ENAH: variants seen among roughly 807,000 people sequenced by gnomAD.
ENAH encodes ENAH actin regulator.
In ENAH, 23 loss-of-function variants were observed where a neutral mutation model predicts 78.7. The ratio of observed to expected loss-of-function variants is 0.29; its 90% CI spans 0.21 to 0.41. The LOEUF (loss-of-function observed/expected upper bound fraction) is 0.41. ENAH is among the 10% of genes least tolerant of loss of function. The pLI is 1.00. For synonymous variants in ENAH, 226 were observed against 241.0 expected (o/e 0.94, Z 0.58); for missense variants, 544 against 691.0 (o/e 0.79, Z 2.39).
intron 2 of ENAH, among the ~76,000 whole-genome samples, chr1:225,555,691 A>G (rs2096663164): frequency 6.6e-6 from 1 of 152,142 alleles, no homozygotes; most frequent in Non-Finnish European, 1.5e-5. Flanking sequence ...ACAACCTAAG[A>G]GTGTATCTCT....
chr1:225,556,331 T>C (rs1306163996), intron 2 of ENAH, among the ~76,000 whole-genome samples: 1 of 152,224 alleles, frequency 6.6e-6, no homozygotes, highest in Non-Finnish European at 1.5e-5. Flanking sequence ...CACAAGAGTA[T>C]ACAAGAGCTT....
intron 4 of ENAH, among the ~76,000 whole-genome samples, chr1:225,525,536 C>T (rs926871809): frequency 6.6e-5 from 10 of 152,180 alleles, no homozygotes; most frequent in African/African-American, 1.7e-4. Flanking sequence ...AACTACCCGT[C>T]GGGAGCCTTC....
In ENAH at chr1:225,551,322, C is replaced by G. The variant is rs183200806; in HGVS notation, c.349+3584G>C. Among the ~76,000 whole-genome samples the G allele has an allele frequency of 5.9e-5, 9 of 152,058 alleles. No homozygotes were observed. In the East Asian group the frequency reaches 1.3e-3, roughly 23 times the overall value. ...TAAAGGAAAACATTTCTGCCACCCA[C>G]CATTTTCATTAAAAAAAGGAAATAT... is the stretch of plus-strand genomic sequence containing the variant. On this transcript the variant is annotated intron_variant, in intron 3 of 13. Transcript: ENST00000366843.
Position 225,653,100 on chromosome 1 carries a change from T to G in ENAH, c.-410A>C, listed in dbSNP as rs979157729. 1 of 152,416 alleles carries G rather than the reference T, an allele frequency of 6.6e-6. No individual in the cohort carries two copies. The highest frequency in any genetic ancestry group is 2.4e-5 in the African/African-American group (1 of 41,238). The allele number at this position is 152,416 out of a possible 1,614,324, so 9.4% of individuals were successfully genotyped here. ...GCCGAGGCCGTGTGCAACCGGCAGC[T>G]GCTGCAGCCGCGGGAGGAGAGTCGG... On this transcript the variant is annotated 5_prime_UTR_variant, in exon 1 of 14. Coordinates refer to ENST00000366843, the MANE Select transcript of ENAH (RefSeq NM_018212.6). This position sits in a 1 kb window ranked among gnomAD's most constrained non-coding sequence, Gnocchi z 4.3.
At position 225,496,801 on chromosome 1, in the gene ENAH, C is replaced by T. The variant is rs895554661; in HGVS notation, c.*974G>A. 6.6e-6 allele frequency: 1 copy of T among 152,628 alleles called. No individual in the cohort carries two copies. The highest frequency in any genetic ancestry group is 1.5e-5 in the Non-Finnish European group (1 of 68,034). The allele number at this position is 152,628 out of a possible 1,614,324, so 9.5% of individuals were successfully genotyped here. On this transcript the variant is annotated 3_prime_UTR_variant, in exon 14 of 14. Transcript: ENST00000366843. ...CTTTAAATAAAAAATTATTCCTCCCCTTCCTCCCACTCCCCTATACTCTAC... is the reference window on the plus strand; with the variant it reads ...CTTTAAATAAAAAATTATTCCTCCCTTTCCTCCCACTCCCCTATACTCTAC...
At chr1:225,525,928 G>A (rs891596703) in intron 4 of ENAH, among the ~76,000 whole-genome samples, 1 of 152,014 alleles carries the variant, frequency 6.6e-6, no homozygotes, top group Non-Finnish European at 1.5e-5. Flanking sequence ...CTGGACTTTT[G>A]GTGAGCTTTT....
rs539346574 is a variant in ENAH at position 225,583,817 on chromosome 1, A to G, written c.6-16403T>C. On this transcript the variant is annotated intron_variant, in intron 1 of 13. Coordinates refer to ENST00000366843, the MANE Select transcript of ENAH (RefSeq NM_018212.6). ...GAGCAAACCTCCATCTCAAAAAAAA[A>G]AAAAGAAAAGAAAGAAAGAAAAGAA... is the stretch of plus-strand genomic sequence containing the variant. Among the ~76,000 whole-genome samples the G allele has an allele frequency of 2.6e-5, 4 of 151,858 alleles. No homozygotes were observed. The South Asian group carries it at 8.3e-4, about 32-fold the overall frequency.
intron 1 of ENAH, among the ~76,000 whole-genome samples, chr1:225,594,439 T>C (rs1042332100): frequency 1.3e-5 from 2 of 152,216 alleles, no homozygotes; most frequent in African/African-American, 4.8e-5. Context: ...TACTGCTCAA[T>C]TGTATCTCCC....
intron 1 of ENAH, among the ~76,000 whole-genome samples, chr1:225,594,184 T>G (rs528178428): frequency 6.6e-6 from 1 of 152,316 alleles, no homozygotes; most frequent in South Asian, 2.1e-4. Context: ...TGTTCTTAAA[T>G]GGATGTGAAA....
rs934704942 is a variant in ENAH, at chr1:225,539,162, C to T, written c.350-8524G>A. On this transcript the variant is annotated intron_variant, in intron 3 of 13. Transcript: ENST00000366843. ...GAAATCCACTACCTTTTCTTTTACT[C>T]CTATTTAACCAATTTTCAAGTCCTG... Among the ~76,000 whole-genome samples, 40 of 152,206 alleles carry T rather than the reference C, an allele frequency of 2.6e-4. No homozygotes were observed. In the Middle Eastern group the frequency reaches 0.01, roughly 39 times the overall value.
chr1:225,631,635 A>G (rs1659098483), intron 1 of ENAH, among the ~76,000 whole-genome samples: 2 of 152,030 alleles, frequency 1.3e-5, no homozygotes, highest in South Asian at 4.1e-4. Context: ...AATGATATAA[A>G]TTCTAAAACT....
intron 3 of ENAH, among the ~76,000 whole-genome samples, chr1:225,548,382 T>C (rs556784579): frequency 6.6e-6 from 1 of 152,322 alleles, no homozygotes; most frequent in Admixed American, 6.5e-5. Context: ...AACTAGAGTC[T>C]TTTGACTCTA....
chr1:225,630,875 T>A (rs1000710101), intron 1 of ENAH, among the ~76,000 whole-genome samples: 2 of 152,182 alleles, frequency 1.3e-5, no homozygotes, highest in African/African-American at 4.8e-5. Flanking sequence ...AAGTTGGCAA[T>A]ATTACCCCTG....
At chr1:225,549,692 T>C (rs921552783) in intron 3 of ENAH, among the ~76,000 whole-genome samples, 1 of 152,218 alleles carries the variant, frequency 6.6e-6, no homozygotes, top group Non-Finnish European at 1.5e-5. Context: ...ACACAGAAGG[T>C]GACCAATAAA....
intron 1 of ENAH, among the ~76,000 whole-genome samples, chr1:225,620,125 CA>C (rs2148240483): frequency 6.6e-6 from 1 of 151,836 alleles, no homozygotes; most frequent in Admixed American, 6.6e-5. Context: ...AAGCTCCTAC[CA>C]AAAATCTGAT....
At chr1:225,598,616 T>G (rs1211284687) in intron 1 of ENAH, among the ~76,000 whole-genome samples, 4 of 151,188 alleles carry the variant, frequency 2.6e-5, no homozygotes, top group African/African-American at 7.3e-5. Flanking sequence ...CACACACAAA[T>G]GTATAACCTT....
At chr1:225,588,925 G>GT (rs1335988781) in intron 1 of ENAH, among the ~76,000 whole-genome samples, 2 of 151,958 alleles carry the variant, frequency 1.3e-5, no homozygotes. Context: ...AACAGCCCAG[G>GT]TATCCATCGA....
intron 2 of ENAH, among the ~76,000 whole-genome samples, chr1:225,556,691 T>A (rs1277141825): frequency 6.6e-6 from 1 of 152,250 alleles, no homozygotes; most frequent in East Asian, 1.9e-4. Context: ...TTTGATTCTG[T>A]TCAAATTAGC....
intron 2 of ENAH, among the ~76,000 whole-genome samples, chr1:225,562,571 CAAAAAAAAAAAAAAAAAA>C (rs869309795): frequency 2.6e-5 from 1 of 38,076 alleles, no homozygotes; most frequent in East Asian, 1.2e-3. Flanking sequence ...GACTGCGTCT[CAAAAAAAAAAAAAAAAAA>C]AAAAAAAAAA....
Sources: allele counts gnomAD v4.1 joint callset (sites outside exome capture counted in the v4.1 genomes callset), GRCh38; gene constraint gnomAD v4.1.1; non-coding constraint Gnocchi (gnomAD v3.1); transcripts MANE v1.5; gene names NCBI Gene and HGNC (gene_info 2026-07-23, HGNC 2026-07-21).